Variants in CPQ observed in about 807,000 individuals in gnomAD.
CPQ encodes the protein carboxypeptidase Q.
In CPQ, 37 loss-of-function variants were observed where a neutral mutation model predicts 45.7. The ratio of observed to expected loss-of-function variants is 0.81; its 90% CI spans 0.62 to 1.07. The LOEUF (loss-of-function observed/expected upper bound fraction) is 1.07. Among genes scored for constraint, CPQ ranks in the 50% least tolerant of loss-of-function variants. CPQ has a pLI of 0.00. For missense variants in CPQ, 537 were observed against 572.9 expected (o/e 0.94, Z 0.64); for synonymous variants, 186 against 205.8 (o/e 0.90, Z 0.82).
rs193053538 is a variant in CPQ at position 97,060,760 on chromosome 8, G to A, written c.1054-5249G>A. ...AGTTGGGTGAAATGAGCATTACTCT[G>A]CTCCCTGTCACTAGCTATAATCAGC... On this transcript the variant is annotated intron_variant, in intron 6 of 7. Transcript: ENST00000220763. 2.1e-3 allele frequency among the ~76,000 whole-genome samples: 322 copies of A among 152,224 alleles called. 2 individuals are homozygous for A. Among genetic ancestry groups the A allele is most frequent in the Non-Finnish European group, 3.5e-3 (240 of 68,000 alleles).
intron 1 of CPQ, among the ~76,000 whole-genome samples, chr8:96,715,575 G>A (rs1476509588): frequency 6.6e-6 from 1 of 152,130 alleles, no homozygotes; most frequent in Admixed American, 6.5e-5. Flanking sequence ...GGTGGATGAG[G>A]GGGAGAAGAA....
At chr8:96,922,021 A>G (rs1415715721) in intron 4 of CPQ, among the ~76,000 whole-genome samples, 1 of 152,166 alleles carries the variant, frequency 6.6e-6, no homozygotes, top group Non-Finnish European at 1.5e-5. Flanking sequence ...CAAAAATTTT[A>G]CTTTAAGATA....
At chr8:96,804,209 AT>A (rs901093582) in intron 2 of CPQ, among the ~76,000 whole-genome samples, 41 of 152,294 alleles carry the variant, frequency 2.7e-4, no homozygotes, top group African/African-American at 9.9e-4. Context: ...GAGAGGAGAA[AT>A]AAGTGGATGG....
intron 5 of CPQ, among the ~76,000 whole-genome samples, chr8:97,013,457 A>G (rs6468527): frequency 0.55 from 83,213 of 152,006 alleles, 24,058 homozygotes; most frequent in Non-Finnish European, 0.64. Flanking sequence ...TCCTTGATTT[A>G]CCAGGGGCTG....
chr8:96,772,206 A>G (rs1810552338), intron 1 of CPQ, among the ~76,000 whole-genome samples: 1 of 152,146 alleles, frequency 6.6e-6, no homozygotes, highest in South Asian at 2.1e-4. Context: ...TTGAAGAAAG[A>G]TAACTGAAAC....
intron 4 of CPQ, among the ~76,000 whole-genome samples, chr8:96,931,955 AG>A (rs34162326): frequency 0.08 from 12,197 of 152,220 alleles, 944 homozygotes; most frequent in African/African-American, 0.21. Context: ...CAACTTCCCC[AG>A]GGAGAAACTT....
intron 3 of CPQ, among the ~76,000 whole-genome samples, chr8:96,845,850 C>A (rs999903700): frequency 6.6e-6 from 1 of 152,164 alleles, no homozygotes; most frequent in African/African-American, 2.4e-5. Flanking sequence ...GACGGAGTTT[C>A]ACTCTTGTTG....
chr8:96,791,939 A>G (rs1810851564), intron 2 of CPQ, among the ~76,000 whole-genome samples: 1 of 152,338 alleles, frequency 6.6e-6, no homozygotes, highest in South Asian at 2.1e-4. Flanking sequence ...ATGAGACTCC[A>G]TAAGGGATCA....
intron 1 of CPQ, among the ~76,000 whole-genome samples, chr8:96,658,553 C>A (rs934313031): frequency 3.3e-5 from 5 of 152,196 alleles, no homozygotes; most frequent in African/African-American, 1.2e-4. Context: ...GATTACATTG[C>A]AAAGGGGAAT....
intron 4 of CPQ, among the ~76,000 whole-genome samples, chr8:96,958,927 A>T (rs1370436521): frequency 1.3e-5 from 2 of 151,514 alleles, no homozygotes; most frequent in Non-Finnish European, 2.9e-5. Context: ...AAAAAAAAAA[A>T]GCTTGAAGAT....
intron 1 of CPQ, among the ~76,000 whole-genome samples, chr8:96,732,716 T>C (rs1475169394): frequency 1.3e-5 from 2 of 152,094 alleles, no homozygotes; most frequent in African/African-American, 4.8e-5. Context: ...TCTGGCCACA[T>C]TGGGATACTG....
At chr8:96,912,560 T>A (rs1350464244) in intron 4 of CPQ, among the ~76,000 whole-genome samples, 1 of 152,196 alleles carries the variant, frequency 6.6e-6, no homozygotes, top group African/African-American at 2.4e-5. Flanking sequence ...GGTTATTATT[T>A]TTTCATAGAT....
chr8:96,649,447 C>A (rs1181773903), intron 1 of CPQ, among the ~76,000 whole-genome samples: 3 of 152,156 alleles, frequency 2.0e-5, no homozygotes, highest in African/African-American at 7.2e-5. Context: ...GGATAAGGAT[C>A]TAAACTAAGA....
intron 4 of CPQ, among the ~76,000 whole-genome samples, chr8:96,889,556 G>A (rs987983572): frequency 1.3e-5 from 2 of 152,156 alleles, no homozygotes; most frequent in South Asian, 2.1e-4. Flanking sequence ...TGACTCACAC[G>A]ATCACAAGGT....
intron 1 of CPQ, among the ~76,000 whole-genome samples, chr8:96,777,079 G>A (rs1445256647): frequency 6.6e-6 from 1 of 151,906 alleles, no homozygotes; most frequent in Non-Finnish European, 1.5e-5. Flanking sequence ...TTTTCAATTA[G>A]TTTATTAGTA....
At chr8:96,701,625 G>T (rs1809463321) in intron 1 of CPQ, among the ~76,000 whole-genome samples, 1 of 152,170 alleles carries the variant, frequency 6.6e-6, no homozygotes, top group East Asian at 1.9e-4. Flanking sequence ...AGGCTCCGAA[G>T]AGATCTGAGG....
At chr8:96,663,221 G>A (rs1436086836) in intron 1 of CPQ, among the ~76,000 whole-genome samples, 2 of 152,172 alleles carry the variant, frequency 1.3e-5, no homozygotes, top group African/African-American at 4.8e-5. Flanking sequence ...CAGAAGTGGA[G>A]CCCAGCAGAA....
intron 1 of CPQ, among the ~76,000 whole-genome samples, chr8:96,697,670 T>C (rs1298268367): frequency 2.0e-5 from 3 of 152,130 alleles, no homozygotes; most frequent in Non-Finnish European, 4.4e-5. Context: ...GGTGGCAGGA[T>C]ACAAAATCAA....
intron 4 of CPQ, among the ~76,000 whole-genome samples, chr8:96,944,456 C>A (rs960583736): frequency 6.6e-6 from 1 of 152,104 alleles, no homozygotes; most frequent in African/African-American, 2.4e-5. Context: ...TAGTAAGGAA[C>A]AGAGTCCTAT....
Sources: allele counts gnomAD v4.1 joint callset (sites outside exome capture counted in the v4.1 genomes callset), GRCh38; gene constraint gnomAD v4.1.1; transcripts MANE v1.5; gene names NCBI Gene and HGNC (gene_info 2026-07-23, HGNC 2026-07-21).